The following SENP6 variants were observed in gnomAD, a reference collection of about 807,000 sequenced individuals.
SENP6 encodes SUMO specific peptidase 6.
Under a neutral mutation model 134.5 loss-of-function variants are expected in SENP6, and 41 were observed. The observed-to-expected ratio is 0.30, with a 90% CI of 0.24 to 0.40. The LOEUF (loss-of-function observed/expected upper bound fraction) is 0.40. SENP6 is among the 10% of genes least tolerant of loss of function. The probability of loss-of-function intolerance (pLI) is 1.00; values close to 1 mark genes in which losing one functional copy is unlikely to be tolerated. For synonymous variants in SENP6, 395 were observed against 429.8 expected (o/e 0.92, Z 1.00); for missense variants, 1,248 against 1,312.5 (o/e 0.95, Z 0.76).
rs1776073823 is a variant in SENP6 at position 75,717,507 on chromosome 6, A to C, written c.*1913A>C. On this transcript the variant is annotated 3_prime_UTR_variant, in exon 24 of 24. Coordinates refer to ENST00000447266, the MANE Select transcript of SENP6 (RefSeq NM_015571.4). ...TAGAGGTAGAATACTCAGCTATTTGATGGCATTTTTCCCACCCCATGTGAA... is the reference window on the plus strand; with the variant it reads ...TAGAGGTAGAATACTCAGCTATTTGCTGGCATTTTTCCCACCCCATGTGAA... The C allele has an allele frequency of 6.6e-6, 1 of 152,102 alleles. No homozygotes were observed. Among genetic ancestry groups the C allele is most frequent in the Non-Finnish European group, 1.5e-5 (1 of 67,962 alleles). The allele number at this position is 152,102 out of a possible 1,614,324, so 9.4% of individuals were successfully genotyped here.
intron 18 of SENP6, among the ~76,000 whole-genome samples, chr6:75,700,013 C>T (rs1774923890): frequency 6.6e-6 from 1 of 151,772 alleles, no homozygotes; most frequent in African/African-American, 2.4e-5. Context: ...TAGGCTTAAG[C>T]AATCCTCCTG....
In SENP6 at chr6:75,715,750, T is replaced by G; in HGVS notation, c.*156T>G. 1.9e-6 allele frequency: 1 copy of G among 513,458 alleles called. No individual in the cohort carries two copies. The allele number at this position is 513,458 out of a possible 1,614,324, so 31.8% of individuals were successfully genotyped here. A position where few individuals can be genotyped will look rare whatever the true frequency, so the allele number is the denominator to read the frequency against. ...AATTAATTTCCAAAGGCGTATGTATTAAGTAAAAGTCTGTAAATATGTTAA... is the reference window on the plus strand; with the variant it reads ...AATTAATTTCCAAAGGCGTATGTATGAAGTAAAAGTCTGTAAATATGTTAA... On this transcript the variant is annotated 3_prime_UTR_variant, in exon 24 of 24. Coordinates refer to ENST00000447266, the MANE Select transcript of SENP6 (RefSeq NM_015571.4).
At chr6:75,634,924 T>G in intron 5 of SENP6, 113 bp downstream of exon 5, 1 of 705,984 alleles carries the variant, frequency 1.4e-6, no homozygotes, top group Non-Finnish European at 2.6e-6. Context: ...TCACTGTCTG[T>G]AGAGAGATAT....
chr6:75,608,862 G>A lies in SENP6; in HGVS notation c.52+6286G>A, dbSNP rs193226480. Among the ~76,000 whole-genome samples, 205 of 152,260 alleles carry A rather than the reference G, an allele frequency of 1.3e-3. 1 individual carries two copies. Among genetic ancestry groups the A allele is most frequent in the African/African-American group, 4.7e-3 (195 of 41,552 alleles). On this transcript the variant is annotated intron_variant, in intron 1 of 23. Coordinates refer to ENST00000447266, the MANE Select transcript of SENP6 (RefSeq NM_015571.4). ...ATTATTTATTTTATTAGCAGATAGA[G>A]AAAAGAAAAAGAGCTTCCTTTACTT...
intron 9 of SENP6, among the ~76,000 whole-genome samples, chr6:75,663,998 G>A (rs1055684964): frequency 5.9e-5 from 9 of 151,846 alleles, no homozygotes; most frequent in African/African-American, 2.2e-4. Flanking sequence ...AAATTATTGG[G>A]GACTGGTTGA....
At chr6:75,681,490 G>A (rs1364041084) in intron 16 of SENP6, among the ~76,000 whole-genome samples, 1 of 147,794 alleles carries the variant, frequency 6.8e-6, no homozygotes, top group African/African-American at 2.5e-5. Context: ...ATGGAGTCTT[G>A]CTCTCTCACC....
At position 75,602,607 on chromosome 6, in the gene SENP6, A is replaced by T. The variant is rs190518951; in HGVS notation, c.52+31A>T. On this transcript the variant is annotated intron_variant, in intron 1 of 23. Coordinates refer to ENST00000447266, the MANE Select transcript of SENP6 (RefSeq NM_015571.4). ...TCTGTTTCTGCCCTTGACGGGGAGAAGGGAGGGTATACTGGAAAACGTGGC... is the reference window on the plus strand; with the variant it reads ...TCTGTTTCTGCCCTTGACGGGGAGATGGGAGGGTATACTGGAAAACGTGGC... The T allele has an allele frequency of 2.6e-6, 4 of 1,548,638 alleles. No homozygotes were observed. The African/African-American group carries it at 4.1e-5, about 16-fold the overall frequency.
At chr6:75,705,375 T>C (rs1484417225) in intron 19 of SENP6, among the ~76,000 whole-genome samples, 7 of 151,954 alleles carry the variant, frequency 4.6e-5, no homozygotes. Context: ...TAAAACCCCA[T>C]CTCTACTAAA....
At chr6:75,685,939 C>T (rs772419718) in intron 16 of SENP6, among the ~76,000 whole-genome samples, 2 of 152,128 alleles carry the variant, frequency 1.3e-5, no homozygotes, top group Non-Finnish European at 2.9e-5. Context: ...AGTTCAATTC[C>T]TGGGTATCCT....
chr6:75,622,015 T>C (rs1045794236), intron 2 of SENP6, among the ~76,000 whole-genome samples: 1 of 152,196 alleles, frequency 6.6e-6, no homozygotes, highest in Non-Finnish European at 1.5e-5. Flanking sequence ...TATGAAAGTT[T>C]AAATACTACA....
At chr6:75,638,610 ATATATATATATATTTTTTTT>A (rs1305240593) in intron 5 of SENP6, among the ~76,000 whole-genome samples, 72 of 48,822 alleles carry the variant, frequency 1.5e-3, no homozygotes, top group African/African-American at 5.9e-3. Flanking sequence ...ATATATATAT[ATATATATATATATTTTTTTT>A]TTTTTTTTTT....
rs940136932 is a variant in SENP6, at chr6:75,634,629, G to C, written c.354-78G>C. 49 of 751,402 alleles carry C rather than the reference G, an allele frequency of 6.5e-5. No homozygotes were observed. In the African/African-American group the frequency reaches 7.7e-4, roughly 12 times the overall value. 46.5% of individuals were successfully genotyped at this position (751,402 alleles called of 1,614,324 possible). On this transcript the variant is annotated intron_variant, in intron 4 of 23. Coordinates refer to ENST00000447266, the MANE Select transcript of SENP6 (RefSeq NM_015571.4). ...GTAAAGGTTTTTGTGTGTTTGTTCA[G>C]ATTTTAAAAGATTTTTTTTATAAAT...
At chr6:75,691,512 C>T (rs915703318) in intron 16 of SENP6, among the ~76,000 whole-genome samples, 5 of 152,148 alleles carry the variant, frequency 3.3e-5, no homozygotes, top group Non-Finnish European at 7.4e-5. Flanking sequence ...ATGATGTATG[C>T]ACTTAGAGAA....
At chr6:75,678,352 A>G (rs1012851910) in intron 14 of SENP6, 1 of 390,752 alleles carries the variant, frequency 2.6e-6, no homozygotes, top group Non-Finnish European at 4.5e-6. Context: ...ATACTGGAAA[A>G]TTACTGTTAC....
intron 7 of SENP6, among the ~76,000 whole-genome samples, chr6:75,657,806 G>T (rs937776230): frequency 6.6e-6 from 1 of 152,112 alleles, no homozygotes; most frequent in Non-Finnish European, 1.5e-5. Context: ...TCTTAACAAA[G>T]AAGAGTTTGA....
At chr6:75,643,480 A>G (rs1016050264) in intron 6 of SENP6, among the ~76,000 whole-genome samples, 2 of 152,214 alleles carry the variant, frequency 1.3e-5, no homozygotes, top group African/African-American at 4.8e-5. Context: ...AGTTTATGGG[A>G]ACATAACAAA....
intron 18 of SENP6, among the ~76,000 whole-genome samples, chr6:75,701,568 A>T (rs186326550): frequency 7.3e-6 from 1 of 136,744 alleles, no homozygotes; most frequent in Admixed American, 7.2e-5. Context: ...ACAAAACTAT[A>T]TATGCAATTC....
chr6:75,688,522 C>T (rs1774008402), intron 16 of SENP6, among the ~76,000 whole-genome samples: 1 of 152,180 alleles, frequency 6.6e-6, no homozygotes, highest in African/African-American at 2.4e-5. Flanking sequence ...ATTTGGCCAT[C>T]TTGGAACCGC....
chr6:75,638,084 A>G (rs949041723), intron 5 of SENP6, among the ~76,000 whole-genome samples: 1 of 151,668 alleles, frequency 6.6e-6, no homozygotes, highest in Non-Finnish European at 1.5e-5. Flanking sequence ...CTGGTCTCGA[A>G]CTCTTTACCT....
Sources: gnomAD v4.1 joint callset for allele counts (sites outside exome capture counted in the v4.1 genomes callset) on GRCh38, gnomAD v4.1.1 for gene constraint, MANE v1.5 for transcripts, NCBI Gene and HGNC (gene_info 2026-07-23, HGNC 2026-07-21) for gene names.